The following USP16 variants were observed in gnomAD, a reference collection of about 807,000 sequenced individuals.
USP16 encodes the protein ubiquitin specific peptidase 16, also known as ubiquitin carboxyl-terminal hydrolase 16.
A neutral mutation model predicts 95.9 loss-of-function variants in USP16; 77 were observed. The observed-to-expected ratio is 0.80, with a 90% CI of 0.67 to 0.97. The LOEUF is 0.97. Ranked by LOEUF, USP16 falls within the 50% of genes least tolerant of loss-of-function variation. The pLI, the probability that USP16 is intolerant of heterozygous loss-of-function variation, is 0.00. For synonymous variants in USP16, 303 were observed against 318.2 expected (o/e 0.95, Z 0.51); for missense variants, 943 against 959.9 (o/e 0.98, Z 0.23).
rs1466213003 is a variant in USP16, at chr21:29,038,376, AGTGAAAAT to A, written c.681_688del (p.Lys228TrpfsTer7). The A allele has an allele frequency of 6.2e-7, 1 of 1,613,188 alleles. No individual in the cohort carries two copies. The highest frequency in any genetic ancestry group is 8.5e-7 in the Non-Finnish European group (1 of 1,179,426). On this transcript the variant is annotated frameshift_variant, in exon 7 of 18. Coordinates refer to ENST00000399976, the MANE Select transcript of USP16 (RefSeq NM_006447.3). LOFTEE classifies it high-confidence loss of function. ...CAGTGCTTAGAGAACTACTAAAAGA[AGTGAAAAT>A]GTCTGGAACAATTGTAAAAATTGAA...
At chr21:29,050,204 A>G in intron 16 of USP16, 26 bp downstream of exon 16, 1 of 1,598,436 alleles carries the variant, frequency 6.3e-7, no homozygotes, top group African/African-American at 1.3e-5. Flanking sequence ...CTTTTTCAGG[A>G]AAGTCCTTTA....
rs1355015554 is a variant in USP16 at position 29,047,280 on chromosome 21, G to T, written c.1970G>T (p.Cys657Phe). 6.2e-7 allele frequency: 1 copy of T among 1,613,994 alleles called. No individual in the cohort carries two copies. The highest frequency in any genetic ancestry group is 1.7e-5 in the Admixed American group (1 of 60,008). The change falls in exon 14 of 18, where the codon TGC becomes TTC. Residue 657 changes from cysteine to phenylalanine, a missense_variant. Coordinates refer to ENST00000399976, the MANE Select transcript of USP16 (RefSeq NM_006447.3). ...GCGAATAAACTGCTTTGTGAAGTAT[G>T]CACACGGAGACAGTGTAATGGACCA... ...RDANKLLCEV[C>F]TRRQCNGPKA...
At position 29,042,537 on chromosome 21, in the gene USP16, A is replaced by T. The variant is rs781574322; in HGVS notation, c.1179+9A>T. The T allele has an allele frequency of 6.3e-7, 1 of 1,588,590 alleles. No homozygotes were observed. The highest frequency in any genetic ancestry group is 1.7e-4 in the Middle Eastern group (1 of 5,994). On this transcript the variant is annotated intron_variant, in intron 12 of 17. Coordinates refer to ENST00000399976, the MANE Select transcript of USP16 (RefSeq NM_006447.3). ...CAGTTTTAGATGATCAGGTAAGACT[A>T]TTGAATTTATTTTATTCAAGTAGAT...
At chr21:29,032,831 GAAACTGCC>G (rs1363391188) in intron 3 of USP16, among the ~76,000 whole-genome samples, 7 of 152,132 alleles carry the variant, frequency 4.6e-5, no homozygotes, top group African/African-American at 1.4e-4. Flanking sequence ...AGTTTTTTAA[GAAACTGCC>G]AAACTGCCAA....
At chr21:29,049,350 C>T (rs528619798) in intron 15 of USP16, among the ~76,000 whole-genome samples, 2 of 152,148 alleles carry the variant, frequency 1.3e-5, no homozygotes, top group Non-Finnish European at 2.9e-5. Context: ...ATCTTCAGAA[C>T]GTTTTGCCTC....
At chr21:29,037,579 CTTTTTTTT>C (rs71189336) in intron 6 of USP16, 116 bp downstream of exon 6, 143 of 184,198 alleles carry the variant, frequency 7.8e-4, no homozygotes, top group East Asian at 5.9e-3. Flanking sequence ...CCAAAGAAAA[CTTTTTTTT>C]TTTTTTTTTT....
At chr21:29,026,217 G>T (rs971416931) in intron 1 of USP16, among the ~76,000 whole-genome samples, 3 of 152,178 alleles carry the variant, frequency 2.0e-5, no homozygotes, top group Non-Finnish European at 4.4e-5. Flanking sequence ...CCAGCACTTT[G>T]GGAGGCCGAG....
Position 29,024,724 on chromosome 21 carries a change from C to G in USP16, c.-95C>G, listed in dbSNP as rs1372508030. On this transcript the variant is annotated 5_prime_UTR_variant, in exon 1 of 18. Transcript: ENST00000399976. ...GTCACCAGGAGGAAGACGGAGCTGG[C>G]TGCCCAGCCCAAAGGCCCATGAGGG... is the stretch of plus-strand genomic sequence containing the variant. 7.8e-7 allele frequency: 1 copy of G among 1,289,402 alleles called. No individual in the cohort carries two copies. The highest frequency in any genetic ancestry group is 2.3e-5 in the Admixed American group (1 of 43,574). 79.9% of individuals were successfully genotyped at this position (1,289,402 alleles called of 1,614,324 possible).
intron 13 of USP16, among the ~76,000 whole-genome samples, chr21:29,046,202 T>G (rs2085320706): frequency 1.3e-5 from 2 of 152,162 alleles, no homozygotes; most frequent in African/African-American, 4.8e-5. Flanking sequence ...GTGTGCATGA[T>G]CATACCTCAC....
intron 4 of USP16, 58 bp from the exon 5 acceptor site, chr21:29,036,213 G>T: frequency 7.3e-7 from 1 of 1,368,652 alleles, no homozygotes; most frequent in Non-Finnish European, 1.0e-6. Flanking sequence ...ATTATTATTT[G>T]TCTCCCCCTT....
chr21:29,028,470 C>T (rs987750012), intron 2 of USP16, among the ~76,000 whole-genome samples: 1 of 151,812 alleles, frequency 6.6e-6, no homozygotes, highest in African/African-American at 2.4e-5. Context: ...GAGTCTGGCT[C>T]TGTTGCCCAG....
intron 12 of USP16, chr21:29,042,749 GTAAT>G: frequency 2.3e-6 from 1 of 440,744 alleles, no homozygotes. Context: ...TTCTGTACAA[GTAAT>G]TAGTTTGATT....
chr21:29,046,550 A>C, intron 13 of USP16, 117 bp from the exon 14 acceptor site: 1 of 1,081,668 alleles, frequency 9.2e-7, no homozygotes, highest in Non-Finnish European at 1.3e-6. Context: ...ATTGACAAGC[A>C]GCAAAACTGG....
At chr21:29,048,715 G>A in intron 14 of USP16, 46 bp from the exon 15 acceptor site, 1 of 1,454,792 alleles carries the variant, frequency 6.9e-7, no homozygotes, top group Non-Finnish European at 9.6e-7. Flanking sequence ...TGCTTTAGGG[G>A]TCTAAAATGA....
At chr21:29,031,643 G>T (rs977651886) in intron 3 of USP16, among the ~76,000 whole-genome samples, 6 of 152,146 alleles carry the variant, frequency 3.9e-5, no homozygotes, top group Non-Finnish European at 8.8e-5. Context: ...TTGCCATGTT[G>T]GCCAGGCTGG....
chr21:29,030,500 A>G, intron 2 of USP16, 95 bp from the exon 3 acceptor site: 2 of 1,173,368 alleles, frequency 1.7e-6, no homozygotes, highest in Non-Finnish European at 2.3e-6. Context: ...AGTAAATTTC[A>G]TTTTTGAAAT....
rs371771429 is a variant in USP16 at position 29,037,232 on chromosome 21, A to T, written c.449-44A>T. 1.5e-3 allele frequency: 1,855 copies of T among 1,248,174 alleles called. 4 individuals are homozygous for T. Among genetic ancestry groups the T allele is most frequent in the Non-Finnish European group, 1.9e-3 (1,697 of 909,244 alleles). 77.3% of individuals were successfully genotyped at this position (1,248,174 alleles called of 1,614,324 possible). A position where few individuals can be genotyped will look rare whatever the true frequency, so the allele number is the denominator to read the frequency against. ...TCCCAAGTATACTTCTGCATTCGAT[A>T]TGACTGTATTACACATTTTGCTAAA... On this transcript the variant is annotated intron_variant, in intron 5 of 17. Transcript: ENST00000399976.
At chr21:29,040,139 G>A (rs530247465) in intron 9 of USP16, among the ~76,000 whole-genome samples, 4 of 152,016 alleles carry the variant, frequency 2.6e-5, no homozygotes, top group South Asian at 2.1e-4. Context: ...CCCTTACTTC[G>A]TTCTCACAAA....
chr21:29,032,583 G>T (rs1375235726), intron 3 of USP16, among the ~76,000 whole-genome samples: 1 of 152,168 alleles, frequency 6.6e-6, no homozygotes, highest in Non-Finnish European at 1.5e-5. Context: ...TCAAAGCTGT[G>T]TGTATCAAGT....
Sources: gnomAD v4.1 joint callset for allele counts (sites outside exome capture counted in the v4.1 genomes callset) on GRCh38, gnomAD v4.1.1 for gene constraint, MANE v1.5 for transcripts, NCBI Gene and HGNC (gene_info 2026-07-23, HGNC 2026-07-21) for gene names.